DLG2: variants seen among roughly 807,000 people sequenced by gnomAD.
DLG2 encodes discs large MAGUK scaffold protein 2.
DLG2 carries 45 observed loss-of-function variants against 132.5 expected under a neutral mutation model. The observed-to-expected ratio is 0.34, with a 90% CI of 0.27 to 0.44. DLG2 has a LOEUF of 0.44. Among genes scored for constraint, DLG2 ranks in the 20% least tolerant of loss-of-function variants. The pLI is 1.00. For missense variants in DLG2, 1,045 were observed against 1,196.9 expected (o/e 0.87, Z 1.87); for synonymous variants, 424 against 419.6 (o/e 1.01, Z -0.13).
intron 2 of DLG2, among the ~76,000 whole-genome samples, chr11:85,622,747 T>C (rs983655542): frequency 2.0e-5 from 3 of 152,066 alleles, no homozygotes; most frequent in Admixed American, 2.0e-4. Context: ...GCCTATGAGA[T>C]ATATGGCAAT....
intron 18 of DLG2, among the ~76,000 whole-genome samples, chr11:83,751,844 C>A (rs2093330292): frequency 6.6e-6 from 1 of 152,154 alleles, no homozygotes; most frequent in African/African-American, 2.4e-5. Flanking sequence ...AACTAGAACA[C>A]CAATATGGAG....
At chr11:85,566,360 C>T (rs937620835) in intron 3 of DLG2, among the ~76,000 whole-genome samples, 2 of 151,966 alleles carry the variant, frequency 1.3e-5, no homozygotes, top group Non-Finnish European at 2.9e-5. Flanking sequence ...TCTTTTCCTG[C>T]TTGTGCTTTT....
intron 6 of DLG2, among the ~76,000 whole-genome samples, chr11:84,763,647 T>C (rs1406389277): frequency 6.6e-6 from 1 of 152,086 alleles, no homozygotes; most frequent in Admixed American, 6.6e-5. Flanking sequence ...TGCTCTCTAC[T>C]TACCCCAACT....
Position 84,163,525 on chromosome 11 carries a change from A to T in DLG2, c.574-14T>A, listed in dbSNP as rs376115655. ...TGTCCCATTGACCTGTAAATAGGGA[A>T]AAAATAAGAAGAGAACTATTAAATA... On this transcript the variant is annotated splice_polypyrimidine_tract_variant and intron_variant, in intron 8 of 27. Transcript: ENST00000376104. 4.4e-6 allele frequency: 7 copies of T among 1,593,478 alleles called. No homozygotes were observed. Among genetic ancestry groups the T allele is most frequent in the Non-Finnish European group, 6.0e-6 (7 of 1,168,184 alleles).
chr11:83,704,251 A>G (rs1361324064), intron 18 of DLG2, among the ~76,000 whole-genome samples: 1 of 152,208 alleles, frequency 6.6e-6, no homozygotes, highest in East Asian at 1.9e-4. Context: ...TTTAGATGAC[A>G]TTGTTAAATG....
At chr11:84,314,515 AT>A (rs1440280133) in intron 7 of DLG2, among the ~76,000 whole-genome samples, 15 of 152,292 alleles carry the variant, frequency 9.8e-5, no homozygotes, top group African/African-American at 3.6e-4. Flanking sequence ...GGATGCATAT[AT>A]AAATGGAAAC....
At position 85,127,520 on chromosome 11, in the gene DLG2, C is replaced by T. The variant is rs559469287; in HGVS notation, c.283-15785G>A. On this transcript the variant is annotated intron_variant, in intron 5 of 27. Transcript: ENST00000376104. ...TGCTATTTCTGTAATTGGTTGTTTT[C>T]CCCATTAGACGAAAGGTTCCATGAG... is the stretch of plus-strand genomic sequence containing the variant. 2.6e-4 allele frequency among the ~76,000 whole-genome samples: 40 copies of T among 152,230 alleles called. 1 individual carries two copies. The highest frequency in any genetic ancestry group is 9.4e-4 in the African/African-American group (39 of 41,550).
At chr11:84,799,707 A>G (rs569251526) in intron 6 of DLG2, among the ~76,000 whole-genome samples, 1 of 152,078 alleles carries the variant, frequency 6.6e-6, no homozygotes, top group Non-Finnish European at 1.5e-5. Flanking sequence ...AAACTTCTCA[A>G]TTTTACTTGT....
intron 3 of DLG2, among the ~76,000 whole-genome samples, chr11:85,541,045 G>A (rs1290476555): frequency 6.6e-6 from 1 of 152,292 alleles, no homozygotes; most frequent in East Asian, 1.9e-4. Context: ...CTGCAGTCAT[G>A]CAAATCTGAC....
intron 6 of DLG2, among the ~76,000 whole-genome samples, chr11:84,920,061 A>G (rs151153659): frequency 1.3e-5 from 2 of 152,360 alleles, no homozygotes; most frequent in Non-Finnish European, 2.9e-5. Flanking sequence ...GACATTGATT[A>G]GAAGTTTTCA....
At chr11:84,684,804 A>T (rs913905651) in intron 6 of DLG2, among the ~76,000 whole-genome samples, 11 of 152,228 alleles carry the variant, frequency 7.2e-5, no homozygotes, top group South Asian at 2.1e-4. Flanking sequence ...GTGAATTATT[A>T]CTGCAATCTA....
intron 19 of DLG2, among the ~76,000 whole-genome samples, chr11:83,548,172 G>A (rs1272439350): frequency 6.6e-6 from 1 of 152,158 alleles, no homozygotes; most frequent in East Asian, 1.9e-4. Flanking sequence ...TTGGGGGCCA[G>A]AGGGCAGACT....
At chr11:83,575,809 T>C (rs1261325104) in intron 19 of DLG2, among the ~76,000 whole-genome samples, 1 of 152,202 alleles carries the variant, frequency 6.6e-6, no homozygotes, top group Non-Finnish European at 1.5e-5. Flanking sequence ...CCATGATACA[T>C]TTCAATATTT....
chr11:84,769,438 A>C (rs1053402766), intron 6 of DLG2, among the ~76,000 whole-genome samples: 1 of 152,150 alleles, frequency 6.6e-6, no homozygotes, highest in African/African-American at 2.4e-5. Context: ...AATAAAATAT[A>C]CATATTTTTA....
In DLG2 at chr11:85,498,343, A is replaced by G. The variant is rs557104585; in HGVS notation, c.40+100314T>C. ...CAAAAGAGACAAAGAATGCCATTAC[A>G]TAATGGTAAAGGTATCAATTCAACA... On this transcript the variant is annotated intron_variant, in intron 3 of 27. Transcript: ENST00000376104. Among the ~76,000 whole-genome samples, 36 of 152,352 alleles carry G rather than the reference A, an allele frequency of 2.4e-4. No individual in the cohort carries two copies. The South Asian group carries it at 7.2e-3, about 31-fold the overall frequency.
intron 6 of DLG2, among the ~76,000 whole-genome samples, chr11:85,065,315 T>A (rs532440261): frequency 1.3e-5 from 2 of 151,264 alleles, no homozygotes; most frequent in Non-Finnish European, 3.0e-5. Context: ...AAAATGCAAA[T>A]TTGACTATGT....
At chr11:85,342,956 T>A (rs913503519) in intron 3 of DLG2, among the ~76,000 whole-genome samples, 3 of 152,078 alleles carry the variant, frequency 2.0e-5, no homozygotes, top group East Asian at 3.9e-4. Context: ...GCACTTTTTT[T>A]ATCTACTATG....
chr11:85,588,238 T>C (rs1286647446), intron 3 of DLG2, among the ~76,000 whole-genome samples: 1 of 152,208 alleles, frequency 6.6e-6, no homozygotes, highest in East Asian at 1.9e-4. Flanking sequence ...TGTATTTGGA[T>C]GTTTAGTTCT....
intron 15 of DLG2, among the ~76,000 whole-genome samples, chr11:83,885,859 G>C (rs1250735791): frequency 2.0e-5 from 3 of 152,082 alleles, no homozygotes; most frequent in Admixed American, 6.6e-5. Context: ...AGCTTCATAA[G>C]TGAAGGAGAA....
Sources: gnomAD v4.1 joint callset for allele counts (sites outside exome capture counted in the v4.1 genomes callset) on GRCh38, gnomAD v4.1.1 for gene constraint, MANE v1.5 for transcripts, NCBI Gene and HGNC (gene_info 2026-07-23, HGNC 2026-07-21) for gene names.